The following CACNA1E variants were observed in gnomAD, a reference collection of about 807,000 sequenced individuals.
CACNA1E encodes voltage-dependent R-type calcium channel subunit alpha-1E.
In CACNA1E, 40 loss-of-function variants were observed where a neutral mutation model predicts 259.2. The ratio of observed to expected loss-of-function variants is 0.15; its 90% CI spans 0.12 to 0.20. The LOEUF is 0.20. Among genes scored for constraint, CACNA1E ranks in the 10% least tolerant of loss-of-function variants. The probability of loss-of-function intolerance (pLI) is 1.00; values close to 1 mark genes in which losing one functional copy is unlikely to be tolerated. For synonymous variants in CACNA1E, 1,104 were observed against 1,138.5 expected (o/e 0.97, Z 0.61); for missense variants, 1,874 against 3,040.1 (o/e 0.62, Z 9.02).
At chr1:181,796,941 C>A (rs1042053825) in intron 47 of CACNA1E, 83 bp downstream of exon 47, 4 of 1,007,100 alleles carry the variant, frequency 4.0e-6, no homozygotes, top group Non-Finnish European at 5.7e-6. Context: ...GTGAGCATTT[C>A]GCAAACGCAT....
At chr1:181,414,267 T>G (rs1658100798) in intron 2 of CACNA1E, among the ~76,000 whole-genome samples, 2 of 152,250 alleles carry the variant, frequency 1.3e-5, no homozygotes. Context: ...TTACTCGGCA[T>G]GCTGGCATGC....
intron 7 of CACNA1E, among the ~76,000 whole-genome samples, chr1:181,678,996 A>G (rs1649654514): frequency 6.6e-6 from 1 of 152,206 alleles, no homozygotes; most frequent in Non-Finnish European, 1.5e-5. Flanking sequence ...AACTACAAAT[A>G]TGATATCTGG....
intron 23 of CACNA1E, 120 bp from the exon 24 acceptor site, chr1:181,738,247 G>A (rs1177108964): frequency 1.3e-6 from 1 of 770,348 alleles, no homozygotes; most frequent in East Asian, 2.4e-5. Flanking sequence ...TGTTCTGAGG[G>A]TGCAGTGGGT....
chr1:181,562,584 C>T (rs1249763395), intron 3 of CACNA1E, among the ~76,000 whole-genome samples: 1 of 152,102 alleles, frequency 6.6e-6, no homozygotes, highest in Non-Finnish European at 1.5e-5. Context: ...GTCTTAGCCT[C>T]GTTTCTTTCA....
chr1:181,428,922 C>T (rs749339728), intron 2 of CACNA1E, among the ~76,000 whole-genome samples: 18 of 152,132 alleles, frequency 1.2e-4, no homozygotes, highest in Non-Finnish European at 2.1e-4. Context: ...TGGCTCATGC[C>T]TGTAATCCCA....
intron 6 of CACNA1E, among the ~76,000 whole-genome samples, chr1:181,582,192 G>A (rs1425998770): frequency 6.6e-6 from 1 of 152,192 alleles, no homozygotes; most frequent in Non-Finnish European, 1.5e-5. Context: ...AAGCTCTAAA[G>A]GGCAGTGAAG....
At chr1:181,544,575 C>T (rs1442632834) in intron 3 of CACNA1E, among the ~76,000 whole-genome samples, 1 of 152,150 alleles carries the variant, frequency 6.6e-6, no homozygotes, top group Non-Finnish European at 1.5e-5. Flanking sequence ...CTATAAGGTG[C>T]CAGAGGCATA....
chr1:181,657,969 C>T (rs1367725383), intron 7 of CACNA1E, among the ~76,000 whole-genome samples: 4 of 152,214 alleles, frequency 2.6e-5, no homozygotes, highest in Non-Finnish European at 5.9e-5. Context: ...ATAACTCTGG[C>T]CCCCAGAGAA....
At chr1:181,687,164 G>C (rs1650665150) in intron 7 of CACNA1E, among the ~76,000 whole-genome samples, 1 of 152,144 alleles carries the variant, frequency 6.6e-6, no homozygotes. Flanking sequence ...TGGCAGATGG[G>C]AGCCGAGACC....
intron 2 of CACNA1E, among the ~76,000 whole-genome samples, chr1:181,423,546 T>TC (rs142649180): frequency 0.03 from 4,577 of 152,230 alleles, 244 homozygotes; most frequent in African/African-American, 0.1. Flanking sequence ...GTGATCACAT[T>TC]CAAACAACAG....
intron 30 of CACNA1E, among the ~76,000 whole-genome samples, chr1:181,757,436 G>T (rs1396383894): frequency 6.6e-6 from 1 of 152,186 alleles, no homozygotes; most frequent in African/African-American, 2.4e-5. Context: ...TCCATGCCAT[G>T]TACTTGCTGT....
At chr1:181,396,364 G>T (rs1205143453) in intron 1 of CACNA1E, among the ~76,000 whole-genome samples, 4 of 152,248 alleles carry the variant, frequency 2.6e-5, no homozygotes, top group Admixed American at 6.5e-5. Context: ...CATCTTGGAA[G>T]CTGGCTACCA....
chr1:181,755,135 C>T, intron 27 of CACNA1E, 102 bp from the exon 28 acceptor site: 1 of 854,898 alleles, frequency 1.2e-6, no homozygotes, highest in Non-Finnish European at 1.8e-6. Flanking sequence ...GGGACAACTT[C>T]TTGGTGGGGC....
intron 25 of CACNA1E, among the ~76,000 whole-genome samples, chr1:181,740,407 T>G (rs1009323285): frequency 1.3e-5 from 2 of 152,158 alleles, no homozygotes; most frequent in Non-Finnish European, 2.9e-5. Context: ...AAGCTGACAG[T>G]GCTTCTCCCC....
intron 1 of CACNA1E, among the ~76,000 whole-genome samples, chr1:181,358,260 G>C (rs1653605639): frequency 6.6e-6 from 1 of 152,144 alleles, no homozygotes; most frequent in South Asian, 2.1e-4. Flanking sequence ...TCTCTTGTTT[G>C]GAGCAGGTGA....
rs140349398 is a variant in CACNA1E, at chr1:181,328,273, G to A, written c.-15+10150G>A. The stretch of plus-strand genomic sequence containing the variant: ...GTGGAAAGGTAAGGAGCTCTCTGGG[G>A]CCTCTTTTGTAAGGGCACTAATCCC... On this transcript the variant is annotated intron_variant, in intron 1 of 11. Transcript: ENST00000524607. Among the ~76,000 whole-genome samples the A allele has an allele frequency of 4.6e-4, 70 of 152,174 alleles. 5 individuals are homozygous for A. The highest frequency in any genetic ancestry group is 4.4e-3 in the East Asian group (23 of 5,174).
chr1:181,585,707 G>T (rs1237350240), intron 6 of CACNA1E, among the ~76,000 whole-genome samples: 1 of 152,192 alleles, frequency 6.6e-6, no homozygotes. Context: ...TTATCTGGGG[G>T]AAGAGTCTCC....
chr1:181,542,042 G>A (rs969233803), intron 3 of CACNA1E, among the ~76,000 whole-genome samples: 1 of 152,146 alleles, frequency 6.6e-6, no homozygotes, highest in Non-Finnish European at 1.5e-5. Context: ...ACCATATCAT[G>A]AGGACACTCA....
At chr1:181,712,347 T>G (rs1653457374) in intron 8 of CACNA1E, among the ~76,000 whole-genome samples, 1 of 152,252 alleles carries the variant, frequency 6.6e-6, no homozygotes, top group Admixed American at 6.5e-5. Context: ...ACAGTATCTT[T>G]TCTCTATTCC....
Sources: allele counts gnomAD v4.1 joint callset (sites outside exome capture counted in the v4.1 genomes callset), GRCh38; gene constraint gnomAD v4.1.1; transcripts MANE v1.5; gene names NCBI Gene and HGNC (gene_info 2026-07-23, HGNC 2026-07-21).